DEFB121: variants seen among roughly 807,000 people sequenced by gnomAD.
DEFB121 encodes the protein beta-defensin 121.
A neutral mutation model predicts 2.5 loss-of-function variants in DEFB121; 5 were observed. That is an observed-to-expected ratio of 1.96 (90% CI 1.03 to 4.13). DEFB121 has a LOEUF of 4.13. Among genes scored for constraint, DEFB121 ranks in the 30% most tolerant of loss-of-function variants. DEFB121 has a pLI of 0.00. For synonymous variants in DEFB121, 39 were observed against 32.6 expected (o/e 1.20, Z -0.67); for missense variants, 87 against 85.0 (o/e 1.02, Z -0.09).
chr20:31,410,161 A>G (rs1277075697), upstream of DEFB121, among the ~76,000 whole-genome samples: 1 of 152,228 alleles, frequency 6.6e-6, no homozygotes, highest in Non-Finnish European at 1.5e-5. Flanking sequence ...CACATATACC[A>G]TGGAATACTA....
exon 1 of DEFB121, chr20:31,412,711 A>G: frequency 7.8e-7 from 1 of 1,275,952 alleles, no homozygotes; most frequent in Non-Finnish European, 1.0e-6. Context: ...TCAACGCTCA[A>G]TACAAGGGAC....
chr20:31,404,847 G>A lies in DEFB121; in HGVS notation c.*66C>T. On this transcript the variant is annotated 3_prime_UTR_variant, in exon 2 of 2. Coordinates refer to ENST00000376314, the MANE Select transcript of DEFB121 (RefSeq NM_001011878.3). ...AACTATCAGACAGAAACAGGGTGTTGCCAAGAATGATTTAATAGAACTGCA... is the reference window on the plus strand; with the variant it reads ...AACTATCAGACAGAAACAGGGTGTTACCAAGAATGATTTAATAGAACTGCA... The A allele has an allele frequency of 6.4e-7, 1 of 1,568,450 alleles. No homozygotes were observed. Among genetic ancestry groups the A allele is most frequent in the Non-Finnish European group, 8.7e-7 (1 of 1,151,936 alleles).
At chr20:31,413,147 C>G (rs117241152), upstream of DEFB121, among the ~76,000 whole-genome samples, 885 of 152,288 alleles carry the variant, frequency 5.8e-3, 3 homozygotes, top group South Asian at 0.016. Context: ...CAAAGCTACC[C>G]AGGCCATTTT....
chr20:31,406,353 G>T (rs546411134), upstream of DEFB121: 15 of 1,173,380 alleles, frequency 1.3e-5, no homozygotes, highest in Admixed American at 3.8e-5. Flanking sequence ...TGAGGAGGCT[G>T]GGAGAGGGGG....
upstream of DEFB121, among the ~76,000 whole-genome samples, chr20:31,417,310 A>T (rs1978834065): frequency 6.6e-6 from 1 of 152,118 alleles, no homozygotes; most frequent in African/African-American, 2.4e-5. Context: ...ACACCCCTGC[A>T]CTCCAGCCTG....
chr20:31,404,991 A>G lies in DEFB121; in HGVS notation c.153T>C (p.Cys51=). Reference sequence around the variant, plus strand: ...TTACAGGTACATACTTGGGATCCACACAGCACTTAGCCTCAGTTTTGCATA... The same window carrying G: ...TTACAGGTACATACTTGGGATCCACGCAGCACTTAGCCTCAGTTTTGCATA... ...YILCKTEAKC[C]VDPKYVPVKP... is the part of the protein sequence containing the mutation. The change falls in exon 2 of 2, where the codon TGT becomes TGC. Residue 51 remains cysteine (C), a synonymous_variant. Coordinates refer to ENST00000376314, the MANE Select transcript of DEFB121 (RefSeq NM_001011878.3). 2 of 1,614,090 alleles carry G rather than the reference A, an allele frequency of 1.2e-6. No individual in the cohort carries two copies. The highest frequency in any genetic ancestry group is 1.7e-6 in the Non-Finnish European group (2 of 1,180,008).
At chr20:31,416,054 T>TTTTGTTTGTTTGTTTGTTTG (rs58327582), upstream of DEFB121, among the ~76,000 whole-genome samples, 93 of 150,976 alleles carry the variant, frequency 6.2e-4, 1 homozygote, top group African/African-American at 2.2e-3. Context: ...CTTCCCACTT[T>TTTTGTTTGTTTGTTTGTTTG]TTTGTTTGTT....
chr20:31,410,856 A>AG (rs1568740216), upstream of DEFB121, among the ~76,000 whole-genome samples: 5 of 122,168 alleles, frequency 4.1e-5, no homozygotes, highest in African/African-American at 7.2e-5. Context: ...GAGAGAGAGA[A>AG]AGAGAGCAAC....
chr20:31,412,913 C>T (rs960901839), upstream of DEFB121: 68 of 243,970 alleles, frequency 2.8e-4, 1 homozygote, highest in South Asian at 2.1e-3. Context: ...AAATGCCTGG[C>T]TTTTTATCAG....
upstream of DEFB121, among the ~76,000 whole-genome samples, chr20:31,409,539 G>A (rs546337737): frequency 5.9e-5 from 9 of 152,266 alleles, no homozygotes; most frequent in South Asian, 1.7e-3. Flanking sequence ...TCAGGAGTTC[G>A]AGACTAGCCT....
At chr20:31,409,111 T>A (rs1015892463), upstream of DEFB121, among the ~76,000 whole-genome samples, 3 of 152,090 alleles carry the variant, frequency 2.0e-5, no homozygotes, top group Admixed American at 6.6e-5. Flanking sequence ...AGGTCCCTTC[T>A]CTATTTTAAA....
chr20:31,406,094 C>T lies in DEFB121; in HGVS notation c.58+1G>A. Reference sequence around the variant, plus strand: ...CATCCCCTTCTGGAGATCCTGTTTACCTGGGGTGACCTGGGCCAGGAGCAG... The same window carrying T: ...CATCCCCTTCTGGAGATCCTGTTTATCTGGGGTGACCTGGGCCAGGAGCAG... On this transcript the variant is annotated splice_donor_variant, in intron 1 of 1. Transcript: ENST00000376314. LOFTEE classifies it high-confidence loss of function. 1 of 1,613,646 alleles carries T rather than the reference C, an allele frequency of 6.2e-7. No homozygotes were observed. The highest frequency in any genetic ancestry group is 8.5e-7 in the Non-Finnish European group (1 of 1,179,570).
At chr20:31,416,378 TGA>T (rs1308150949), upstream of DEFB121, among the ~76,000 whole-genome samples, 2 of 152,232 alleles carry the variant, frequency 1.3e-5, no homozygotes, top group Non-Finnish European at 2.9e-5. Context: ...CACTTTAAAC[TGA>T]GCAGCTCTAC....
upstream of DEFB121, among the ~76,000 whole-genome samples, chr20:31,407,631 CA>C (rs1361579394): frequency 6.6e-6 from 1 of 152,110 alleles, no homozygotes; most frequent in African/African-American, 2.4e-5. Flanking sequence ...GCAATCTAGC[CA>C]AATATAAAGG....
chr20:31,408,413 C>T (rs1978555238), upstream of DEFB121, among the ~76,000 whole-genome samples: 1 of 152,190 alleles, frequency 6.6e-6, no homozygotes, highest in African/African-American at 2.4e-5. Flanking sequence ...AATTGCACCA[C>T]TGCACTCCAG....
At chr20:31,417,007 G>A (rs184496215), upstream of DEFB121, among the ~76,000 whole-genome samples, 118 of 152,150 alleles carry the variant, frequency 7.8e-4, no homozygotes, top group African/African-American at 2.3e-3. Context: ...GTTTTAAGAC[G>A]GATAAGGCCC....
upstream of DEFB121, among the ~76,000 whole-genome samples, chr20:31,407,967 G>A (rs1600530322): frequency 1.3e-5 from 2 of 152,182 alleles, no homozygotes; most frequent in East Asian, 1.9e-4. Flanking sequence ...TGGTAGAGAC[G>A]AGGTTTCACC....
chr20:31,408,432 A>G (rs1978555981), upstream of DEFB121, among the ~76,000 whole-genome samples: 1 of 152,204 alleles, frequency 6.6e-6, no homozygotes, highest in African/African-American at 2.4e-5. Context: ...AGCCAGCTCA[A>G]CAGAGACCCT....
At chr20:31,412,530 A>C in intron 1 of DEFB121, 4 of 907,732 alleles carry the variant, frequency 4.4e-6, no homozygotes, top group Non-Finnish European at 6.2e-6. Flanking sequence ...AGATTAAATT[A>C]GGTGATGCTT....
Sources: gnomAD v4.1 joint callset for allele counts (sites outside exome capture counted in the v4.1 genomes callset) on GRCh38, gnomAD v4.1.1 for gene constraint, MANE v1.5 for transcripts, NCBI Gene and HGNC (gene_info 2026-07-23, HGNC 2026-07-21) for gene names.